Variants in NEIL1 observed in about 807,000 individuals in gnomAD.
NEIL1 encodes the protein endonuclease 8-like 1.
A neutral mutation model predicts 44.2 loss-of-function variants in NEIL1; 31 were observed. The observed-to-expected ratio is 0.70, with a 90% CI of 0.53 to 0.95. The LOEUF (loss-of-function observed/expected upper bound fraction) is 0.95. Ranked by LOEUF, NEIL1 falls within the 40% of genes least tolerant of loss-of-function variation. NEIL1 has a pLI of 0.00. For missense variants in NEIL1, 549 were observed against 515.5 expected (o/e 1.07, Z -0.63); for synonymous variants, 254 against 209.7 (o/e 1.21, Z -1.83).
In NEIL1 at chr15:75,356,703, C is replaced by T. The variant is rs368112790; in HGVS notation, c.*1669C>T. On this transcript the variant is annotated 3_prime_UTR_variant, in exon 10 of 10. Coordinates refer to ENST00000355059, the MANE Select transcript of NEIL1 (RefSeq NM_024608.4). The surrounding 1 kb of genome is among the most constrained non-coding windows in gnomAD (Gnocchi z 5.8). ...CCCGCAAGCTGGGGTGAGGAGGGCG[C>T]GTAGGGGCCACGCTGAAGCTGTTGG... 7.8e-4 allele frequency: 1,248 copies of T among 1,607,942 alleles called. 4 individuals carry two copies. Among genetic ancestry groups the T allele is most frequent in the South Asian group, 9.6e-4 (87 of 90,406 alleles).
Position 75,355,736 on chromosome 15 carries a change from CTT to C in NEIL1, c.*703_*704del. 1 of 522,168 alleles carries C rather than the reference CTT, an allele frequency of 1.9e-6. No homozygotes were observed. The allele number at this position is 522,168 out of a possible 1,614,324, so 32.3% of individuals were successfully genotyped here. A position where few individuals can be genotyped will look rare whatever the true frequency, so the allele number is the denominator to read the frequency against. On this transcript the variant is annotated 3_prime_UTR_variant, in exon 10 of 10. Transcript: ENST00000355059. ...ACCTGGGAAGCCATCCCACCCCAGA[CTT>C]CCCACCCCCACCCCAAGCGTGAGGA...
In NEIL1 at chr15:75,356,641, C is replaced by T. The variant is rs756198744; in HGVS notation, c.*1607C>T. 3.0e-5 allele frequency: 47 copies of T among 1,570,778 alleles called. No individual in the cohort carries two copies. The highest frequency in any genetic ancestry group is 2.6e-4 in the East Asian group (11 of 42,600). ...CATCAGTGCATAGGTGAACTCGTGG[C>T]GCCCCGTGTCAGCAGTAGCGTCCGG... On this transcript the variant is annotated 3_prime_UTR_variant, in exon 10 of 10. Coordinates refer to ENST00000355059, the MANE Select transcript of NEIL1 (RefSeq NM_024608.4). The surrounding 1 kb of genome is among the most constrained non-coding windows in gnomAD (Gnocchi z 5.8).
Position 75,354,503 on chromosome 15 carries a change from C to T in NEIL1, c.936+11C>T. 1 of 1,614,096 alleles carries T rather than the reference C, an allele frequency of 6.2e-7. No homozygotes were observed. The highest frequency in any genetic ancestry group is 8.5e-7 in the Non-Finnish European group (1 of 1,179,960). On this transcript the variant is annotated intron_variant, in intron 8 of 9. Transcript: ENST00000355059. ...GAGGACAGAGTGGAGGTATGGCTGC[C>T]TGCTCCCGCCTCCTCCCCTGCACTC... is the stretch of plus-strand genomic sequence containing the variant.
chr15:75,354,001 ACCCCT>A, intron 6 of NEIL1, 135 bp downstream of exon 6: 1 of 1,254,984 alleles, frequency 8.0e-7, no homozygotes, highest in Non-Finnish European at 1.1e-6. Context: ...TGAGGGTCAC[ACCCCT>A]CCCCTCCCAT....
chr15:75,347,849 C>CG (rs1567223855), intron 1 of NEIL1: 2 of 1,186,672 alleles, frequency 1.7e-6, no homozygotes, highest in African/African-American at 3.2e-5. Flanking sequence ...TGGAGCCTCA[C>CG]GTTCTCCCGC....
In NEIL1 at chr15:75,354,487, G is replaced by A. The variant is rs775335007; in HGVS notation, c.931G>A (p.Val311Met). 18 of 1,614,206 alleles carry A rather than the reference G, an allele frequency of 1.1e-5. No individual in the cohort carries two copies. The highest frequency in any genetic ancestry group is 2.7e-5 in the African/African-American group (2 of 75,050). ...CACACAGCTGAGTCCTGAGGACAGA[G>A]TGGAGGTATGGCTGCCTGCTCCCGC... Reference protein sequence around the residue: ...KATQLSPEDRVEDALPPSKAP... With the variant: ...KATQLSPEDRMEDALPPSKAP... Residue 311 changes from valine to methionine, a missense_variant, in exon 8 of 10, where the codon GTG (valine) becomes ATG (methionine). Coordinates refer to ENST00000355059, the MANE Select transcript of NEIL1 (RefSeq NM_024608.4).
rs1319928546 is a variant in NEIL1 at position 75,349,310 on chromosome 15, CTG to C, written c.409_410del (p.Val137LeufsTer18). 1.9e-6 allele frequency: 3 copies of C among 1,609,640 alleles called. No homozygotes were observed. Among genetic ancestry groups the C allele is most frequent in the Non-Finnish European group, 1.7e-6 (2 of 1,178,408 alleles). ...GGKWQPGRGP[C>X]VLQEYQQFRE... is the part of the protein sequence containing the mutation. ...GAAAGTGGCAGCCGGGCCGCGGGCC[CTG>C]TGTCTTGCAGGAGTACCAGCAGTTC... On this transcript the variant is annotated frameshift_variant, in exon 2 of 10. Coordinates refer to ENST00000355059, the MANE Select transcript of NEIL1 (RefSeq NM_024608.4). LOFTEE classifies it high-confidence loss of function.
chr15:75,347,999 G>C (rs2071572352), intron 1 of NEIL1: 1 of 1,207,376 alleles, frequency 8.3e-7, no homozygotes, highest in African/African-American at 1.6e-5. Context: ...CGGGGACAGA[G>C]GCAAGTGGCA....
At position 75,349,262 on chromosome 15, in the gene NEIL1, G is replaced by A. The variant is rs763707906; in HGVS notation, c.357G>A (p.Arg119=). ...CCCTATGTTTCGTGGACATCCGCCG[G>A]TTCGGCCGCTGGGACCTTGGGGGAA... ...RLALCFVDIR[R]FGRWDLGGKW... is the part of the protein sequence containing the mutation. The change falls in exon 2 of 10, where the codon CGG becomes CGA. Residue 119 remains arginine, a synonymous_variant. Transcript: ENST00000355059. The A allele has an allele frequency of 6.2e-7, 1 of 1,611,518 alleles. No individual in the cohort carries two copies. The highest frequency in any genetic ancestry group is 8.5e-7 in the Non-Finnish European group (1 of 1,179,786).
chr15:75,352,537 G>A, intron 4 of NEIL1, 65 bp from the exon 5 acceptor site: 2 of 1,559,532 alleles, frequency 1.3e-6, no homozygotes, highest in Non-Finnish European at 8.8e-7. Flanking sequence ...CAAGCTCAGA[G>A]AGAAGGTCAG....
intron 4 of NEIL1, 36 bp downstream of exon 4, chr15:75,352,423 A>G: frequency 6.2e-7 from 1 of 1,610,494 alleles, no homozygotes; most frequent in Non-Finnish European, 8.5e-7. Context: ...ACGTGCTGGC[A>G]CACTGGTGTC....
intron 1 of NEIL1, chr15:75,347,734 G>C (rs1173383304): frequency 1.1e-6 from 1 of 943,916 alleles, no homozygotes; most frequent in Non-Finnish European, 1.3e-6. Flanking sequence ...TGAGCTTTGG[G>C]GGGCCCTGAG....
chr15:75,356,667 G>C lies in NEIL1; in HGVS notation c.*1633G>C. On this transcript the variant is annotated 3_prime_UTR_variant, in exon 10 of 10. Transcript: ENST00000355059. The surrounding 1 kb of genome is among the most constrained non-coding windows in gnomAD (Gnocchi z 5.8). ...GCCCCGTGTCAGCAGTAGCGTCCGGGGCTTTAGGCGCCCGCAAGCTGGGGT... is the reference window on the plus strand; with the variant it reads ...GCCCCGTGTCAGCAGTAGCGTCCGGCGCTTTAGGCGCCCGCAAGCTGGGGT... 1 of 1,587,568 alleles carries C rather than the reference G, an allele frequency of 6.3e-7. No homozygotes were observed. Among genetic ancestry groups the C allele is most frequent in the Admixed American group, 1.8e-5 (1 of 55,134 alleles).
At position 75,356,694 on chromosome 15, in the gene NEIL1, A is replaced by ACAC; in HGVS notation, c.*1660_*1661insCAC. On this transcript the variant is annotated 3_prime_UTR_variant, in exon 10 of 10. Transcript: ENST00000355059. The surrounding 1 kb of genome is among the most constrained non-coding windows in gnomAD (Gnocchi z 5.8). ...CTTTAGGCGCCCGCAAGCTGGGGTG[A>ACAC]GGAGGGCGCGTAGGGGCCACGCTGA... 6.2e-7 allele frequency: 1 copy of ACAC among 1,603,352 alleles called. No individual in the cohort carries two copies. Among genetic ancestry groups the ACAC allele is most frequent in the Non-Finnish European group, 8.5e-7 (1 of 1,175,396 alleles).
In NEIL1 at chr15:75,356,365, G is replaced by A; in HGVS notation, c.*1331G>A. 2 of 1,612,056 alleles carry A rather than the reference G, an allele frequency of 1.2e-6. No homozygotes were observed. Among genetic ancestry groups the A allele is most frequent in the Non-Finnish European group, 1.7e-6 (2 of 1,179,364 alleles). The stretch of plus-strand genomic sequence containing the variant: ...GGAAAACGCACTCCAGGAGGTGGCG[G>A]GCGCTGGGCTGGGGGCTGGCAGAGC... On this transcript the variant is annotated 3_prime_UTR_variant, in exon 10 of 10. Transcript: ENST00000355059. This position sits in a 1 kb window ranked among gnomAD's most constrained non-coding sequence, Gnocchi z 5.8.
At position 75,356,046 on chromosome 15, in the gene NEIL1, G is replaced by A. The variant is rs1176989429; in HGVS notation, c.*1012G>A. ...AAGAGATCGCAGCTGGAGAACAGGAGGGGCCATGAAGGCTCTGCGAGGGCG... is the reference window on the plus strand; with the variant it reads ...AAGAGATCGCAGCTGGAGAACAGGAAGGGCCATGAAGGCTCTGCGAGGGCG... On this transcript the variant is annotated 3_prime_UTR_variant, in exon 10 of 10. Transcript: ENST00000355059. This position sits in a 1 kb window ranked among gnomAD's most constrained non-coding sequence, Gnocchi z 5.8. The A allele has an allele frequency of 1.7e-5, 27 of 1,613,952 alleles. No homozygotes were observed. Among genetic ancestry groups the A allele is most frequent in the East Asian group, 2.2e-5 (1 of 44,858 alleles).
chr15:75,352,495 G>A, intron 4 of NEIL1, 107 bp from the exon 5 acceptor site: 2 of 1,546,940 alleles, frequency 1.3e-6, no homozygotes, highest in Non-Finnish European at 1.8e-6. Context: ...AACAACAGGG[G>A]TGGGGAGGGG....
chr15:75,348,041 C>G (rs1361352294), intron 1 of NEIL1: 1 of 1,105,054 alleles, frequency 9.0e-7, no homozygotes, highest in African/African-American at 1.7e-5. Flanking sequence ...GGAGTCGATA[C>G]CCCCCACCCC....
At position 75,357,021 on chromosome 15, in the gene NEIL1, C is replaced by T. The variant is rs185152041; in HGVS notation, c.*1987C>T. Reference sequence around the variant, plus strand: ...CTAGAACCACACAACTGAACTCCAGCTCCCACTGTACGGGGCCCTGGGCAT... The same window carrying T: ...CTAGAACCACACAACTGAACTCCAGTTCCCACTGTACGGGGCCCTGGGCAT... On this transcript the variant is annotated 3_prime_UTR_variant, in exon 10 of 10. Coordinates refer to ENST00000355059, the MANE Select transcript of NEIL1 (RefSeq NM_024608.4). 1.1e-3 allele frequency: 847 copies of T among 790,614 alleles called. 4 individuals are homozygous for T. The highest frequency in any genetic ancestry group is 1.5e-3 in the Admixed American group (67 of 44,414). 49.0% of individuals were successfully genotyped at this position (790,614 alleles called of 1,614,324 possible).
Sources: allele counts gnomAD v4.1 joint callset, GRCh38; gene constraint gnomAD v4.1.1; non-coding constraint Gnocchi (gnomAD v3.1); transcripts MANE v1.5; gene names NCBI Gene and HGNC (gene_info 2026-07-23, HGNC 2026-07-21).